SLC2A4: variants seen among roughly 807,000 people sequenced by gnomAD.
SLC2A4 encodes the protein solute carrier family 2, facilitated glucose transporter member 4.
In SLC2A4, 31 loss-of-function variants were observed where a neutral mutation model predicts 53.3. The ratio of observed to expected loss-of-function variants is 0.58; its 90% CI spans 0.44 to 0.78. SLC2A4 has a LOEUF of 0.78. Among genes scored for constraint, SLC2A4 ranks in the 30% least tolerant of loss-of-function variants. The probability of loss-of-function intolerance (pLI) is 0.00; values close to 1 mark genes in which losing one functional copy is unlikely to be tolerated. For synonymous variants in SLC2A4, 276 were observed against 281.9 expected (o/e 0.98, Z 0.21); for missense variants, 538 against 655.7 (o/e 0.82, Z 1.96).
Position 7,284,421 on chromosome 17 carries a change from G to A in SLC2A4, c.727+42G>A, listed in dbSNP as rs200083814. 3.3e-4 allele frequency: 527 copies of A among 1,614,082 alleles called. No homozygotes were observed. Among genetic ancestry groups the A allele is most frequent in the Admixed American group, 1.2e-3 (73 of 60,024 alleles). ...CAGCCTGGCCCAGGCCCATGCCTCC[G>A]CCTCATCTTGCTAGCACCTGGCTTC... On this transcript the variant is annotated intron_variant, in intron 6 of 10. Transcript: ENST00000317370. This position sits in a 1 kb window ranked among gnomAD's most constrained non-coding sequence, Gnocchi z 7.5.
rs534248171 is a variant in SLC2A4 at position 7,281,939 on chromosome 17, C to G, written c.5C>G (p.Pro2Arg). The change falls in exon 1 of 11, where the codon CCG becomes CGG. Residue 2 changes from proline to arginine, a missense_variant. Coordinates refer to ENST00000317370, the MANE Select transcript of SLC2A4 (RefSeq NM_001042.3). ...GTCCAGCTCTTCTAAGACGAGATGC[C>G]GTCGGGCTTCCAACAGATAGGCTCC... is the stretch of plus-strand genomic sequence containing the variant. M[P>R]SGFQQIGSED... is the part of the protein sequence containing the mutation. 1 of 1,449,782 alleles carries G rather than the reference C, an allele frequency of 6.9e-7. No individual in the cohort carries two copies. Among genetic ancestry groups the G allele is most frequent in the South Asian group, 1.1e-5 (1 of 87,902 alleles). 89.8% of individuals were successfully genotyped at this position (1,449,782 alleles called of 1,614,324 possible). A position where few individuals can be genotyped will look rare whatever the true frequency, so the allele number is the denominator to read the frequency against.
chr17:7,281,861 G>A lies in SLC2A4; in HGVS notation c.-74G>A. ...CGGCCTCCGCAGGTTCTGCGCTCCA[G>A]GCCGGAGTCAGAGACTCCAGGATCG... On this transcript the variant is annotated 5_prime_UTR_variant, in exon 1 of 11. Coordinates refer to ENST00000317370, the MANE Select transcript of SLC2A4 (RefSeq NM_001042.3). 6.7e-7 allele frequency: 1 copy of A among 1,496,842 alleles called. No individual in the cohort carries two copies. The highest frequency in any genetic ancestry group is 9.1e-7 in the Non-Finnish European group (1 of 1,095,198). The allele number at this position is 1,496,842 out of a possible 1,614,324, so 92.7% of individuals were successfully genotyped here.
Position 7,283,662 on chromosome 17 carries a change from C to A in SLC2A4, c.323+17C>A. 6.2e-7 allele frequency: 1 copy of A among 1,613,786 alleles called. No individual in the cohort carries two copies. Among genetic ancestry groups the A allele is most frequent in the Non-Finnish European group, 8.5e-7 (1 of 1,179,958 alleles). ...GCTTGGAAGGTTCGCAGCTGGAGGG[C>A]AGGGGTGGGGGAAACAGGAAGGGAG... On this transcript the variant is annotated intron_variant, in intron 3 of 10. Transcript: ENST00000317370. This position sits in a 1 kb window ranked among gnomAD's most constrained non-coding sequence, Gnocchi z 5.8.
In SLC2A4 at chr17:7,283,204, G is replaced by T; in HGVS notation, c.34-41G>T. 2 of 1,544,370 alleles carry T rather than the reference G, an allele frequency of 1.3e-6. No homozygotes were observed. Among genetic ancestry groups the T allele is most frequent in the East Asian group, 4.5e-5 (2 of 44,546 alleles). ...CCCTAGCGGAAGGAAAAAAATCATGGTTCCATGTGACATGCTGTGTCTTTG... is the reference window on the plus strand; with the variant it reads ...CCCTAGCGGAAGGAAAAAAATCATGTTTCCATGTGACATGCTGTGTCTTTG... On this transcript the variant is annotated intron_variant, in intron 1 of 10. Coordinates refer to ENST00000317370, the MANE Select transcript of SLC2A4 (RefSeq NM_001042.3). This position sits in a 1 kb window ranked among gnomAD's most constrained non-coding sequence, Gnocchi z 5.8.
At position 7,282,244 on chromosome 17, in the gene SLC2A4, C is replaced by T. The variant is rs1016553525; in HGVS notation, c.33+277C>T. The T allele has an allele frequency of 1.7e-6, 1 of 601,348 alleles. No individual in the cohort carries two copies. The highest frequency in any genetic ancestry group is 3.1e-6 in the Non-Finnish European group (1 of 324,032). The allele number at this position is 601,348 out of a possible 1,614,324, so 37.3% of individuals were successfully genotyped here. A position where few individuals can be genotyped will look rare whatever the true frequency, so the allele number is the denominator to read the frequency against. The stretch of plus-strand genomic sequence containing the variant: ...CTTGCCTAGTAGGCGGCGCGGCGCT[C>T]CGGAATCGGGGACACCCTGCCCTCG... On this transcript the variant is annotated intron_variant, in intron 1 of 10. Coordinates refer to ENST00000317370, the MANE Select transcript of SLC2A4 (RefSeq NM_001042.3). This position sits in a 1 kb window ranked among gnomAD's most constrained non-coding sequence, Gnocchi z 4.1.
chr17:7,283,600 T>C lies in SLC2A4; in HGVS notation c.278T>C (p.Met93Thr). 6.2e-7 allele frequency: 1 copy of C among 1,613,974 alleles called. No individual in the cohort carries two copies. Among genetic ancestry groups the C allele is most frequent in the Non-Finnish European group, 8.5e-7 (1 of 1,179,994 alleles). The change falls in exon 3 of 11, where the codon ATG (methionine) becomes ACG (threonine). Residue 93 changes from methionine (M) to threonine (T), a missense_variant. Transcript: ENST00000317370. This position sits in a 1 kb window ranked among gnomAD's most constrained non-coding sequence, Gnocchi z 5.8. ...LSVAIFSVGG[M>T]ISSFLIGIIS... ...GTGGCCATCTTTTCCGTGGGCGGCA[T>C]GATTTCCTCCTTCCTCATTGGTATC...
chr17:7,287,309 A>G lies in SLC2A4; in HGVS notation c.*680A>G, dbSNP rs1454988889. 1 of 152,636 alleles carries G rather than the reference A, an allele frequency of 6.6e-6. No individual in the cohort carries two copies. The highest frequency in any genetic ancestry group is 2.4e-5 in the African/African-American group (1 of 41,282). 9.5% of individuals were successfully genotyped at this position (152,636 alleles called of 1,614,324 possible). A position where few individuals can be genotyped will look rare whatever the true frequency, so the allele number is the denominator to read the frequency against. ...GGCTAATTTATTTTGTATTTTTAGT[A>G]TATACGCGGTTTCACCATGTTAGCC... On this transcript the variant is annotated 3_prime_UTR_variant, in exon 11 of 11. Transcript: ENST00000317370.
Position 7,286,629 on chromosome 17 carries a change from A to AG in SLC2A4, c.*4dup, listed in dbSNP as rs781033738. The stretch of plus-strand genomic sequence containing the variant: ...ATTTAGGGCCAGATGAGAACGACTG[A>AG]GGGGCCAGGCAGGGGTGGGAGAGCC... On this transcript the variant is annotated 3_prime_UTR_variant, in exon 11 of 11. Transcript: ENST00000317370. The AG allele has an allele frequency of 1.2e-6, 2 of 1,613,890 alleles. No homozygotes were observed. Among genetic ancestry groups the AG allele is most frequent in the East Asian group, 2.2e-5 (1 of 44,878 alleles).
rs2072431208 is a variant in SLC2A4 at position 7,284,492 on chromosome 17, G to A, written c.735G>A (p.Lys245=). The change falls in exon 7 of 11, where the codon AAG becomes AAA. Residue 245 remains lysine, a synonymous_variant. Transcript: ENST00000317370. The surrounding 1 kb of genome is among the most constrained non-coding windows in gnomAD (Gnocchi z 7.5). ...NLEGPARKSL[K]RLTGWADVSG... is the part of the protein sequence containing the mutation. ...TGACCTTCCCTTCTCCAGGTCTGAAGCGCCTGACAGGCTGGGCCGATGTTT... is the reference window on the plus strand; with the variant it reads ...TGACCTTCCCTTCTCCAGGTCTGAAACGCCTGACAGGCTGGGCCGATGTTT... 5 of 1,614,276 alleles carry A rather than the reference G, an allele frequency of 3.1e-6. No individual in the cohort carries two copies. In the East Asian group the frequency reaches 1.1e-4, roughly 36 times the overall value.
chr17:7,285,097 G>T lies in SLC2A4; in HGVS notation c.1030G>T (p.Val344Leu). The T allele has an allele frequency of 6.2e-7, 1 of 1,605,582 alleles. No homozygotes were observed. The highest frequency in any genetic ancestry group is 8.5e-7 in the Non-Finnish European group (1 of 1,177,072). The change falls in exon 9 of 11, where the codon GTG becomes TTG. Residue 344 changes from valine (V) to leucine (L), a missense_variant. Val to Leu is a conservative substitution (Grantham distance 32). Transcript: ENST00000317370. This position sits in a 1 kb window ranked among gnomAD's most constrained non-coding sequence, Gnocchi z 6.0. Reference sequence around the variant, plus strand: ...CCGACTCTCCCCGCAGGTGTTGTTGGTGGAGCGGGCGGGGCGCCGGACGCT... The same window carrying T: ...CCGACTCTCCCCGCAGGTGTTGTTGTTGGAGCGGGCGGGGCGCCGGACGCT... ...TVFTLVSVLL[V>L]ERAGRRTLHL...
At position 7,283,974 on chromosome 17, in the gene SLC2A4, G is replaced by A; in HGVS notation, c.449G>A (p.Gly150Glu). 6.2e-7 allele frequency: 1 copy of A among 1,613,538 alleles called. No individual in the cohort carries two copies. The highest frequency in any genetic ancestry group is 8.5e-7 in the Non-Finnish European group (1 of 1,179,680). The stretch of plus-strand genomic sequence containing the variant: ...AGCCCTCTCTTCTTCCCTCGCCCAG[G>A]GCTGACATCAGGGCTGGTGCCCATG... ...LGRFLIGAYS[G>E]LTSGLVPMYV... The change falls in exon 5 of 11, where the codon GGG becomes GAG. Residue 150 changes from glycine (G) to glutamate (E), a missense_variant and splice_region_variant. By Grantham distance (98) the Gly-to-Glu change is moderately conservative. Coordinates refer to ENST00000317370, the MANE Select transcript of SLC2A4 (RefSeq NM_001042.3). The surrounding 1 kb of genome is among the most constrained non-coding windows in gnomAD (Gnocchi z 5.8).
Position 7,285,280 on chromosome 17 carries a change from C to T in SLC2A4, c.1122+91C>T, listed in dbSNP as rs1273320438. ...GACCAGCCAGGGTCCCTTCTTAACA[C>T]ACATGCTTTCAATCCTGGCGCCAGC... On this transcript the variant is annotated intron_variant, in intron 9 of 10. Transcript: ENST00000317370. The surrounding 1 kb of genome is among the most constrained non-coding windows in gnomAD (Gnocchi z 6.0). 4 of 1,051,334 alleles carry T rather than the reference C, an allele frequency of 3.8e-6. No homozygotes were observed. Among genetic ancestry groups the T allele is most frequent in the Non-Finnish European group, 5.7e-6 (4 of 703,020 alleles). The allele number at this position is 1,051,334 out of a possible 1,614,324, so 65.1% of individuals were successfully genotyped here.
At chr17:7,286,163 A>G (rs1217549659) in intron 10 of SLC2A4, 2 of 620,018 alleles carry the variant, frequency 3.2e-6, no homozygotes, top group East Asian at 2.7e-5. Context: ...CTTTGCATTA[A>G]TACTACAAAC....
rs760219674 is a variant in SLC2A4 at position 7,286,553 on chromosome 17, G to A, written c.1454G>A (p.Arg485Gln). The A allele has an allele frequency of 9.3e-6, 15 of 1,613,968 alleles. No individual in the cohort carries two copies. Among genetic ancestry groups the A allele is most frequent in the African/African-American group, 4.0e-5 (3 of 74,870 alleles). ...GACCAGATCTCAGCTGCCTTCCACCGGACACCCTCTCTTTTAGAGCAGGAG... is the reference window on the plus strand; with the variant it reads ...GACCAGATCTCAGCTGCCTTCCACCAGACACCCTCTCTTTTAGAGCAGGAG... ...TFDQISAAFHRTPSLLEQEVK... is the reference protein window; with the variant it reads ...TFDQISAAFHQTPSLLEQEVK... Residue 485 changes from arginine (R) to glutamine (Q), a missense_variant, in exon 11 of 11, where the codon CGG becomes CAG. Transcript: ENST00000317370.
In SLC2A4 at chr17:7,283,178, C is replaced by T; in HGVS notation, c.34-67C>T. The T allele has an allele frequency of 3.0e-6, 4 of 1,319,336 alleles. No homozygotes were observed. Among genetic ancestry groups the T allele is most frequent in the South Asian group, 2.4e-5 (2 of 85,010 alleles). 81.7% of individuals were successfully genotyped at this position (1,319,336 alleles called of 1,614,324 possible). Reference sequence around the variant, plus strand: ...TCTTCAGGCTCCAGCTGGGCCCGGGCCCCTAGCGGAAGGAAAAAAATCATG... The same window carrying T: ...TCTTCAGGCTCCAGCTGGGCCCGGGTCCCTAGCGGAAGGAAAAAAATCATG... On this transcript the variant is annotated intron_variant, in intron 1 of 10. Transcript: ENST00000317370. The surrounding 1 kb of genome is among the most constrained non-coding windows in gnomAD (Gnocchi z 5.8).
chr17:7,283,158 A>G lies in SLC2A4; in HGVS notation c.34-87A>G, dbSNP rs534434202. ...ATGTTGGGTGGAGCCCAGTATCTTC[A>G]GGCTCCAGCTGGGCCCGGGCCCCTA... On this transcript the variant is annotated intron_variant, in intron 1 of 10. Transcript: ENST00000317370. This position sits in a 1 kb window ranked among gnomAD's most constrained non-coding sequence, Gnocchi z 5.8. 4.5e-5 allele frequency: 46 copies of G among 1,024,586 alleles called. No homozygotes were observed. In the African/African-American group the frequency reaches 6.6e-4, roughly 15 times the overall value. The allele number at this position is 1,024,586 out of a possible 1,614,324, so 63.5% of individuals were successfully genotyped here.
Position 7,284,448 on chromosome 17 carries a change from T to TCTCAGGTCCC in SLC2A4, c.728-30_728-21dup. 1.9e-6 allele frequency: 3 copies of TCTCAGGTCCC among 1,614,110 alleles called. No homozygotes were observed. Among genetic ancestry groups the TCTCAGGTCCC allele is most frequent in the Non-Finnish European group, 2.5e-6 (3 of 1,179,932 alleles). On this transcript the variant is annotated intron_variant, in intron 6 of 10. Coordinates refer to ENST00000317370, the MANE Select transcript of SLC2A4 (RefSeq NM_001042.3). This position sits in a 1 kb window ranked among gnomAD's most constrained non-coding sequence, Gnocchi z 7.5. Reference sequence around the variant, plus strand: ...CTCATCTTGCTAGCACCTGGCTTCCTCTCAGGTCCCCTCAGGCCTGACCTT... The same window carrying TCTCAGGTCCC: ...CTCATCTTGCTAGCACCTGGCTTCCTCTCAGGTCCCCTCAGGTCCCCTCAGGCCTGACCTT...
Position 7,283,618 on chromosome 17 carries a change from T to C in SLC2A4, c.296T>C (p.Ile99Thr). The change falls in exon 3 of 11, where the codon ATT becomes ACT. Residue 99 changes from isoleucine (I) to threonine (T), a missense_variant. Ile to Thr is a moderately conservative substitution (Grantham distance 89, BLOSUM62 -1). Coordinates refer to ENST00000317370, the MANE Select transcript of SLC2A4 (RefSeq NM_001042.3). The surrounding 1 kb of genome is among the most constrained non-coding windows in gnomAD (Gnocchi z 5.8). ...SVGGMISSFLIGIISQWLGRK... is the reference protein window; with the variant it reads ...SVGGMISSFLTGIISQWLGRK... Reference sequence around the variant, plus strand: ...GGCGGCATGATTTCCTCCTTCCTCATTGGTATCATCTCTCAGTGGCTTGGA... The same window carrying C: ...GGCGGCATGATTTCCTCCTTCCTCACTGGTATCATCTCTCAGTGGCTTGGA... The C allele has an allele frequency of 6.2e-7, 1 of 1,613,828 alleles. No individual in the cohort carries two copies. The highest frequency in any genetic ancestry group is 2.2e-5 in the East Asian group (1 of 44,866).
At position 7,283,082 on chromosome 17, in the gene SLC2A4, C is replaced by T. The variant is rs1226152477; in HGVS notation, c.34-163C>T. On this transcript the variant is annotated intron_variant, in intron 1 of 10. Coordinates refer to ENST00000317370, the MANE Select transcript of SLC2A4 (RefSeq NM_001042.3). The surrounding 1 kb of genome is among the most constrained non-coding windows in gnomAD (Gnocchi z 5.8). ...CAGGTTGCAGTTCAGCTCCTGTTTACATTGAGATCTTTGTGCAATTCCTAA... is the reference window on the plus strand; with the variant it reads ...CAGGTTGCAGTTCAGCTCCTGTTTATATTGAGATCTTTGTGCAATTCCTAA... The T allele has an allele frequency of 2.7e-6, 2 of 752,764 alleles. No homozygotes were observed. The highest frequency in any genetic ancestry group is 4.9e-6 in the Non-Finnish European group (2 of 408,392). 46.6% of individuals were successfully genotyped at this position (752,764 alleles called of 1,614,324 possible).
Sources: gnomAD v4.1 joint callset for allele counts on GRCh38, gnomAD v4.1.1 for gene constraint, Gnocchi (gnomAD v3.1) non-coding constraint, MANE v1.5 for transcripts, NCBI Gene and HGNC (gene_info 2026-07-23, HGNC 2026-07-21) for gene names.